The following TENM3 variants were observed in gnomAD, a reference collection of about 807,000 sequenced individuals.
TENM3 encodes the protein teneurin transmembrane protein 3.
Under a neutral mutation model 255.1 loss-of-function variants are expected in TENM3, and 63 were observed. The observed-to-expected ratio is 0.25, with a 90% CI of 0.20 to 0.30. The LOEUF is 0.30. TENM3 is among the 10% of genes least tolerant of loss of function. The probability of loss-of-function intolerance (pLI) is 1.00; values close to 1 mark genes in which losing one functional copy is unlikely to be tolerated. For missense variants in TENM3, 2,929 were observed against 3,461.1 expected, an observed-to-expected ratio of 0.85 and a Z score of 3.86; for synonymous variants, 1,306 against 1,322.3, an observed-to-expected ratio of 0.99 and a Z score of 0.27.
intron 1 of TENM3, among the ~76,000 whole-genome samples, chr4:182,246,695 A>AT (rs149728736): frequency 0.046 from 6,991 of 152,268 alleles, 173 homozygotes; most frequent in Non-Finnish European, 0.049. Flanking sequence ...GACTGTATTC[A>AT]TAAGAAATAG....
intron 3 of TENM3, among the ~76,000 whole-genome samples, chr4:182,428,946 G>A (rs1319655316): frequency 6.6e-6 from 1 of 152,060 alleles, no homozygotes; most frequent in Non-Finnish European, 1.5e-5. Flanking sequence ...TTTTATGTGT[G>A]TATAAATATG....
the TENM3 span, among the ~76,000 whole-genome samples, chr4:181,600,242 G>T: frequency 6.6e-6 from 1 of 152,282 alleles, no homozygotes; most frequent in South Asian, 2.1e-4. Flanking sequence ...GTTGTTTCCA[G>T]GTTTTTGCTA....
the TENM3 span, among the ~76,000 whole-genome samples, chr4:181,656,742 A>AGG: frequency 2.3e-3 from 352 of 150,216 alleles, 2 homozygotes; most frequent in African/African-American, 8.0e-3. Flanking sequence ...GAAGGGAGGA[A>AGG]GAAGACGTAA....
rs184599802 is a variant in TENM3 at position 182,606,746 on chromosome 4, A to T, written c.749+5585A>T. On this transcript the variant is annotated intron_variant, in intron 4 of 27. Coordinates refer to ENST00000511685, the MANE Select transcript of TENM3 (RefSeq NM_001080477.4). Reference sequence around the variant, plus strand: ...TAAAAGCCCTATTTTTTAATGTGAGATTATTATTAACCACTTGTAATGCTG... The same window carrying T: ...TAAAAGCCCTATTTTTTAATGTGAGTTTATTATTAACCACTTGTAATGCTG... Among the ~76,000 whole-genome samples the T allele has an allele frequency of 4.2e-3, 634 of 152,268 alleles. 2 individuals are homozygous for T. Among genetic ancestry groups the T allele is most frequent in the African/African-American group, 0.015 (612 of 41,572 alleles).
chr4:181,775,675 C>A, the TENM3 span, among the ~76,000 whole-genome samples: 1 of 152,262 alleles, frequency 6.6e-6, no homozygotes, highest in South Asian at 2.1e-4. Context: ...ACCAATAAAT[C>A]CTGGTTTAGA....
the TENM3 span, among the ~76,000 whole-genome samples, chr4:181,632,313 C>A: frequency 1.3e-5 from 2 of 152,094 alleles, no homozygotes; most frequent in African/African-American, 4.8e-5. Context: ...GGAAATCCAC[C>A]TCCATGATCC....
At chr4:181,469,585 C>T in the TENM3 span, among the ~76,000 whole-genome samples, 2 of 152,170 alleles carry the variant, frequency 1.3e-5, no homozygotes, top group Non-Finnish European at 2.9e-5. Context: ...AGCCATAGTT[C>T]ATGGCCAGAA....
the TENM3 span, among the ~76,000 whole-genome samples, chr4:181,660,240 G>T: frequency 6.6e-6 from 1 of 152,104 alleles, no homozygotes; most frequent in Non-Finnish European, 1.5e-5. Flanking sequence ...AACACACACA[G>T]GTTTTGCAAA....
At chr4:182,777,496 A>G (rs894257976) in intron 24 of TENM3, among the ~76,000 whole-genome samples, 2 of 133,936 alleles carry the variant, frequency 1.5e-5, no homozygotes, top group Non-Finnish European at 3.1e-5. Context: ...CTCTCTGTCT[A>G]TACATAATGT....
intron 22 of TENM3, among the ~76,000 whole-genome samples, chr4:182,770,462 C>G (rs34711070): frequency 0.49 from 75,104 of 152,076 alleles, 19,292 homozygotes; most frequent in Admixed American, 0.56. Context: ...CTCCGCAGCC[C>G]TCCCAGCCCC....
the TENM3 span, among the ~76,000 whole-genome samples, chr4:181,937,410 A>T: frequency 6.6e-6 from 1 of 152,236 alleles, no homozygotes; most frequent in Non-Finnish European, 1.5e-5. Context: ...GATGATTCCT[A>T]GCGAGGGAAG....
intron 7 of TENM3, among the ~76,000 whole-genome samples, chr4:182,673,596 G>A (rs973613533): frequency 2.0e-5 from 3 of 152,072 alleles, no homozygotes; most frequent in South Asian, 2.1e-4. Flanking sequence ...TCTCTAACAC[G>A]TATTCATTCT....
the TENM3 span, among the ~76,000 whole-genome samples, chr4:181,695,574 G>T: frequency 6.6e-6 from 1 of 152,104 alleles, no homozygotes; most frequent in Admixed American, 6.5e-5. Context: ...TCCCTACTAT[G>T]TGGTTGAGTG....
chr4:182,658,223 T>C (rs992863923), intron 6 of TENM3, among the ~76,000 whole-genome samples: 1 of 152,218 alleles, frequency 6.6e-6, no homozygotes, highest in South Asian at 2.1e-4. Context: ...GTTGCAATAG[T>C]CTTTCCTTAG....
At chr4:181,542,144 A>G in the TENM3 span, among the ~76,000 whole-genome samples, 1 of 152,224 alleles carries the variant, frequency 6.6e-6, no homozygotes, top group African/African-American at 2.4e-5. Context: ...GACGGATGCT[A>G]TGGAGGAAAT....
At chr4:181,523,068 G>A in the TENM3 span, 5 of 567,588 alleles carry the variant, frequency 8.8e-6, no homozygotes, top group Admixed American at 3.9e-5. Flanking sequence ...ACAAATGTAT[G>A]AGCATGGGAC....
chr4:181,917,981 C>A, the TENM3 span, among the ~76,000 whole-genome samples: 1 of 152,074 alleles, frequency 6.6e-6, no homozygotes, highest in African/African-American at 2.4e-5. Context: ...GGTTTCTAAC[C>A]AACTCCTTAA....
At chr4:182,408,665 G>A (rs1306664663) in intron 3 of TENM3, among the ~76,000 whole-genome samples, 1 of 152,204 alleles carries the variant, frequency 6.6e-6, no homozygotes, top group African/African-American at 2.4e-5. Context: ...TAACTAGCCT[G>A]ATTGCAGAGT....
the TENM3 span, among the ~76,000 whole-genome samples, chr4:181,760,705 C>T: frequency 6.6e-6 from 1 of 152,002 alleles, no homozygotes; most frequent in East Asian, 1.9e-4. Flanking sequence ...GCTGTTATTC[C>T]CTTGTGATCT....
Sources: allele counts gnomAD v4.1 joint callset (sites outside exome capture counted in the v4.1 genomes callset), GRCh38; gene constraint gnomAD v4.1.1; transcripts MANE v1.5; gene names NCBI Gene and HGNC (gene_info 2026-07-23, HGNC 2026-07-21).